FBRSL1: variants seen among roughly 807,000 people sequenced by gnomAD.
FBRSL1 encodes the protein fibrosin-1-like protein.
In FBRSL1, 51 loss-of-function variants were observed where a neutral mutation model predicts 89.6. The ratio of observed to expected loss-of-function variants is 0.57; its 90% CI spans 0.45 to 0.72. The LOEUF (loss-of-function observed/expected upper bound fraction) is 0.72. Among genes scored for constraint, FBRSL1 ranks in the 30% least tolerant of loss-of-function variants. The pLI, the probability that FBRSL1 is intolerant of heterozygous loss-of-function variation, is 0.00. For synonymous variants in FBRSL1, 779 were observed against 681.1 expected, an observed-to-expected ratio of 1.14 and a Z score of -2.24; for missense variants, 1,618 against 1,451.8, an observed-to-expected ratio of 1.11 and a Z score of -1.86.
chr12:132,506,482 G>C (rs2033700419), intron 1 of FBRSL1, among the ~76,000 whole-genome samples: 5 of 152,228 alleles, frequency 3.3e-5, no homozygotes, highest in Admixed American at 3.3e-4. Context: ...TCTTTGCCCA[G>C]TAGAAAGACA....
At chr12:132,562,947 G>C (rs2039261391) in intron 5 of FBRSL1, among the ~76,000 whole-genome samples, 1 of 152,006 alleles carries the variant, frequency 6.6e-6, no homozygotes, top group African/African-American at 2.4e-5. Flanking sequence ...TCAGATAAGA[G>C]GTGAAACAGG....
chr12:132,516,933 G>T (rs117463371), intron 2 of FBRSL1, among the ~76,000 whole-genome samples: 2,239 of 152,298 alleles, frequency 0.015, 30 homozygotes, highest in Non-Finnish European at 0.024. Context: ...AACATGCAAG[G>T]TTTGTACTGT....
At chr12:132,544,669 C>T (rs1202676247) in intron 4 of FBRSL1, among the ~76,000 whole-genome samples, 1 of 151,748 alleles carries the variant, frequency 6.6e-6, no homozygotes, top group Non-Finnish European at 1.5e-5. Context: ...TACTGATGAT[C>T]ATGGTGGTGG....
At chr12:132,534,332 A>G (rs2036539936) in intron 4 of FBRSL1, among the ~76,000 whole-genome samples, 1 of 152,230 alleles carries the variant, frequency 6.6e-6, no homozygotes, top group Non-Finnish European at 1.5e-5. Flanking sequence ...TCTCCATGGC[A>G]TTTAGATCAT....
Position 132,583,330 on chromosome 12 carries a change from C to T in FBRSL1, c.2561C>T (p.Pro854Leu), listed in dbSNP as rs900476755. The change falls in exon 19 of 19, where the codon CCT (proline) becomes CTT (leucine). Residue 854 changes from proline to leucine, a missense_variant. Physicochemically the swap from Pro to Leu is moderately conservative, Grantham distance 98. Coordinates refer to ENST00000680143, the MANE Select transcript of FBRSL1 (RefSeq NM_001367871.1). ...RLGAPGFAWEPFRGLELPRRA... is the reference protein window; with the variant it reads ...RLGAPGFAWELFRGLELPRRA... ...GGCGCGCCGGGCTTCGCGTGGGAGC[C>T]TTTCCGCGGCCTGGAGCTGCCACGT... is the stretch of plus-strand genomic sequence containing the variant. The T allele has an allele frequency of 4.6e-4, 546 of 1,183,728 alleles. No individual in the cohort carries two copies. The highest frequency in any genetic ancestry group is 5.5e-4 in the Non-Finnish European group (528 of 954,294). The allele number at this position is 1,183,728 out of a possible 1,614,324, so 73.3% of individuals were successfully genotyped here. A position where few individuals can be genotyped will look rare whatever the true frequency, so the allele number is the denominator to read the frequency against.
intron 13 of FBRSL1, 61 bp downstream of exon 13, chr12:132,574,409 CG>C: frequency 1.3e-6 from 2 of 1,548,458 alleles, no homozygotes; most frequent in South Asian, 1.2e-5. Context: ...GGGGCGGCCT[CG>C]GGGGGCCCGT....
intron 14 of FBRSL1, among the ~76,000 whole-genome samples, chr12:132,576,123 C>T (rs1427624902): frequency 2.6e-5 from 4 of 152,116 alleles, no homozygotes; most frequent in Admixed American, 6.5e-5. Flanking sequence ...AAAACTGATA[C>T]CAAATTCAGT....
In FBRSL1 at chr12:132,583,357, G is replaced by A. The variant is rs1184756481; in HGVS notation, c.2588G>A (p.Arg863His). Residue 863 changes from arginine to histidine, a missense_variant, in exon 19 of 19, where the codon CGC becomes CAC. Physicochemically the swap from Arg to His is conservative, Grantham distance 29. Transcript: ENST00000680143. ...TTCCGCGGCCTGGAGCTGCCACGTC[G>A]CGCCTTCCCCGCTGCCGCCCCCGCC... ...EPFRGLELPRRAFPAAAPAPG... is the reference protein window; with the variant it reads ...EPFRGLELPRHAFPAAAPAPG... 42 of 1,139,822 alleles carry A rather than the reference G, an allele frequency of 3.7e-5. No homozygotes were observed. The highest frequency in any genetic ancestry group is 4.4e-5 in the Non-Finnish European group (41 of 926,632). 70.6% of individuals were successfully genotyped at this position (1,139,822 alleles called of 1,614,324 possible).
intron 4 of FBRSL1, among the ~76,000 whole-genome samples, chr12:132,531,134 C>T (rs984174141): frequency 2.6e-5 from 4 of 152,090 alleles, no homozygotes; most frequent in African/African-American, 7.2e-5. Context: ...CAGACCACCC[C>T]AGGGGTGGAG....
At chr12:132,550,732 C>T (rs1297291202) in intron 5 of FBRSL1, 1 of 152,708 alleles carries the variant, frequency 6.5e-6, no homozygotes, top group East Asian at 1.9e-4. Flanking sequence ...TTTCCGTTTC[C>T]CTCCGAGTGC....
At chr12:132,562,575 CG>C (rs201763825) in intron 5 of FBRSL1, among the ~76,000 whole-genome samples, 13,393 of 152,074 alleles carry the variant, frequency 0.088, 1,163 homozygotes, top group African/African-American at 0.23. Context: ...ACCCCGACCC[CG>C]GGGACCGCAC....
intron 5 of FBRSL1, among the ~76,000 whole-genome samples, chr12:132,557,383 C>T (rs77762972): frequency 0.078 from 11,862 of 152,302 alleles, 836 homozygotes; most frequent in African/African-American, 0.19. Flanking sequence ...TCTAACCTCA[C>T]TACATCTTTC....
chr12:132,567,389 A>C, intron 5 of FBRSL1, 92 bp from the exon 6 acceptor site: 1 of 1,342,676 alleles, frequency 7.4e-7, no homozygotes, highest in East Asian at 2.5e-5. Flanking sequence ...CCTGCTGGAA[A>C]ACCACCCAGA....
At chr12:132,532,952 C>T (rs1000871135) in intron 4 of FBRSL1, among the ~76,000 whole-genome samples, 8 of 152,200 alleles carry the variant, frequency 5.3e-5, no homozygotes, top group Non-Finnish European at 1.0e-4. Flanking sequence ...GGGCCCGATA[C>T]AGGCGCTGTC....
intron 4 of FBRSL1, among the ~76,000 whole-genome samples, chr12:132,538,162 T>C (rs4883561): frequency 0.055 from 8,377 of 152,158 alleles, 334 homozygotes; most frequent in African/African-American, 0.11. Context: ...GTTTGATTCA[T>C]AGGAGGTCCT....
At chr12:132,509,750 C>T (rs1350579906) in intron 2 of FBRSL1, 1 of 1,231,100 alleles carries the variant, frequency 8.1e-7, no homozygotes, top group East Asian at 3.2e-5. Context: ...GCCCGTGTCA[C>T]TGTGGCCAGC....
Position 132,512,570 on chromosome 12 carries a change from G to A in FBRSL1, c.489+4220G>A, listed in dbSNP as rs2034463496. 2.0e-5 allele frequency among the ~76,000 whole-genome samples: 3 copies of A among 152,226 alleles called. No homozygotes were observed. In the South Asian group the frequency reaches 6.2e-4, roughly 31 times the overall value. On this transcript the variant is annotated intron_variant, in intron 2 of 18. Coordinates refer to ENST00000680143, the MANE Select transcript of FBRSL1 (RefSeq NM_001367871.1). ...CAGACGTCCCTGTTGTCAGGCGTGG[G>A]GAACAGTGATGATTTAAACAGTCTC...
intron 5 of FBRSL1, among the ~76,000 whole-genome samples, chr12:132,566,589 C>T (rs946139247): frequency 3.5e-4 from 53 of 152,324 alleles, no homozygotes; most frequent in African/African-American, 1.3e-3. Flanking sequence ...GAGCGAGTTT[C>T]TCTGGAAGAG....
At chr12:132,544,771 A>T (rs1203279032) in intron 4 of FBRSL1, among the ~76,000 whole-genome samples, 1 of 151,622 alleles carries the variant, frequency 6.6e-6, no homozygotes, top group Non-Finnish European at 1.5e-5. Context: ...TATGGCGGTG[A>T]TGGCGATGGT....
Sources: gnomAD v4.1 joint callset for allele counts (sites outside exome capture counted in the v4.1 genomes callset) on GRCh38, gnomAD v4.1.1 for gene constraint, MANE v1.5 for transcripts, NCBI Gene and HGNC (gene_info 2026-07-23, HGNC 2026-07-21) for gene names.